Variants in STK10 observed in about 807,000 individuals in gnomAD.
STK10 encodes the protein serine/threonine kinase 10.
Under a neutral mutation model 113.8 loss-of-function variants are expected in STK10, and 78 were observed. That is an observed-to-expected ratio of 0.69 (90% CI 0.57 to 0.83). STK10 has a LOEUF of 0.83. Ranked by LOEUF, STK10 falls within the 40% of genes least tolerant of loss-of-function variation. The pLI, the probability that STK10 is intolerant of heterozygous loss-of-function variation, is 0.00. For missense variants in STK10, 1,109 were observed against 1,280.1 expected (o/e 0.87, Z 2.04); for synonymous variants, 465 against 494.7 (o/e 0.94, Z 0.80).
At chr5:172,165,296 C>CCT (rs1770548960) in intron 1 of STK10, among the ~76,000 whole-genome samples, 1 of 152,232 alleles carries the variant, frequency 6.6e-6, no homozygotes, top group Non-Finnish European at 1.5e-5. Context: ...CCCAACCCAA[C>CCT]TCTGCAGATG....
chr5:172,056,954 G>GGAAA (rs758056970), intron 15 of STK10: 2,695 of 78,904 alleles, frequency 0.034, 110 homozygotes, highest in Middle Eastern at 0.068. Context: ...AAAGAAAGAA[G>GGAAA]GAAAGAAAGA....
chr5:172,074,437 T>C (rs1473664031), intron 12 of STK10, among the ~76,000 whole-genome samples: 1 of 152,102 alleles, frequency 6.6e-6, no homozygotes, highest in Non-Finnish European at 1.5e-5. Context: ...AGCAATTCAG[T>C]GGAAAAAGGA....
intron 2 of STK10, among the ~76,000 whole-genome samples, chr5:172,136,773 A>G (rs1243034279): frequency 6.6e-6 from 1 of 152,112 alleles, no homozygotes; most frequent in East Asian, 1.9e-4. Flanking sequence ...TTTGTGATAA[A>G]GGATTGCTAA....
At chr5:172,114,466 TATA>T (rs1769324793) in intron 4 of STK10, 2 of 37,336 alleles carry the variant, frequency 5.4e-5, no homozygotes, top group African/African-American at 2.5e-4. Context: ...TATATATATA[TATA>T]TATATTTTTT....
chr5:172,152,842 GA>G (rs1163250627), intron 2 of STK10, among the ~76,000 whole-genome samples: 1 of 152,022 alleles, frequency 6.6e-6, no homozygotes, highest in African/African-American at 2.4e-5. Context: ...GACTTAGAAT[GA>G]AAAAAAGTAA....
chr5:172,156,770 C>T lies in STK10; in HGVS notation c.175G>A (p.Gly59Ser), dbSNP rs756710970. 31 of 1,613,780 alleles carry T rather than the reference C, an allele frequency of 1.9e-5. No individual in the cohort carries two copies. Among genetic ancestry groups the T allele is most frequent in the Non-Finnish European group, 2.6e-5 (31 of 1,179,810 alleles). ...KVYKAKNKETGALAAAKVIET... is the reference protein window; with the variant it reads ...KVYKAKNKETSALAAAKVIET... The stretch of plus-strand genomic sequence containing the variant: ...ATGACTTTGGCCGCAGCCAAAGCAC[C>T]CGTCTCCTTATTCTTGGCCTGCAAA... Residue 59 changes from glycine (G) to serine (S), a missense_variant, in exon 2 of 19, where the codon GGT becomes AGT. Gly to Ser is a moderately conservative substitution (Grantham distance 56). Around this residue, in one of 5 missense-constraint regions of STK10, gnomAD observed 120 missense variants for 134.8 expected, o/e 0.89. Transcript: ENST00000176763.
At chr5:172,174,124 A>G (rs1362077236) in intron 1 of STK10, among the ~76,000 whole-genome samples, 1 of 147,100 alleles carries the variant, frequency 6.8e-6, no homozygotes, top group East Asian at 1.9e-4. Context: ...CCCGGCATTC[A>G]CTCACTCATC....
chr5:172,162,117 G>T (rs768523626), intron 1 of STK10, among the ~76,000 whole-genome samples: 10 of 152,102 alleles, frequency 6.6e-5, no homozygotes, highest in Non-Finnish European at 1.3e-4. Flanking sequence ...GGGGCAGGTG[G>T]CTCACCTGAA....
At chr5:172,166,952 A>G (rs1042987697) in intron 1 of STK10, among the ~76,000 whole-genome samples, 11 of 152,022 alleles carry the variant, frequency 7.2e-5, no homozygotes, top group African/African-American at 1.9e-4. Context: ...AGAAAGTCAG[A>G]AGTTCGAGGC....
chr5:172,109,587 G>T (rs764107908), intron 4 of STK10, among the ~76,000 whole-genome samples: 2 of 152,086 alleles, frequency 1.3e-5, no homozygotes, highest in Non-Finnish European at 2.9e-5. Context: ...GATTACAGGC[G>T]TGAGGCACCA....
intron 1 of STK10, among the ~76,000 whole-genome samples, chr5:172,182,169 G>A (rs112826901): frequency 0.2 from 30,212 of 151,404 alleles, 3,555 homozygotes; most frequent in African/African-American, 0.34. Context: ...CGGGTGTGGC[G>A]GTGCGCACCT....
chr5:172,135,926 C>T (rs1384602692), intron 2 of STK10, among the ~76,000 whole-genome samples: 1 of 151,888 alleles, frequency 6.6e-6, no homozygotes, highest in East Asian at 1.9e-4. Context: ...ACTTGGGTGG[C>T]TGAGGTATGA....
At chr5:172,186,386 G>A (rs1770955066) in intron 1 of STK10, among the ~76,000 whole-genome samples, 1 of 152,202 alleles carries the variant, frequency 6.6e-6, no homozygotes, top group South Asian at 2.1e-4. Flanking sequence ...CACTTTGGGA[G>A]GCTGAAACGA....
intron 1 of STK10, among the ~76,000 whole-genome samples, chr5:172,166,883 C>T (rs894177127): frequency 1.3e-5 from 2 of 152,096 alleles, no homozygotes; most frequent in African/African-American, 4.8e-5. Context: ...GACAACAGGC[C>T]AGGCACGGTG....
intron 13 of STK10, chr5:172,064,428 CAAAT>C: frequency 2.2e-6 from 1 of 462,584 alleles, no homozygotes; most frequent in Non-Finnish European, 3.9e-6. Flanking sequence ...ATGTGACTTA[CAAAT>C]AAATAACCCT....
At chr5:172,051,645 G>C (rs1188333733) in intron 18 of STK10, among the ~76,000 whole-genome samples, 1 of 151,858 alleles carries the variant, frequency 6.6e-6, no homozygotes, top group East Asian at 1.9e-4. Flanking sequence ...ATAAAATAAA[G>C]AAATCAACAG....
chr5:172,077,420 G>A (rs911259796), intron 12 of STK10, among the ~76,000 whole-genome samples: 11 of 152,186 alleles, frequency 7.2e-5, no homozygotes, highest in African/African-American at 2.7e-4. Flanking sequence ...AGTGATCTAA[G>A]AAGTTACAAC....
intron 12 of STK10, among the ~76,000 whole-genome samples, chr5:172,067,804 G>T (rs1173242556): frequency 1.3e-5 from 2 of 151,988 alleles, no homozygotes; most frequent in Non-Finnish European, 2.9e-5. Context: ...TGAAAAAGAG[G>T]AAGGTTTCAG....
chr5:172,090,087 G>A (rs533310943), intron 10 of STK10, 145 bp downstream of exon 10: 11 of 1,171,556 alleles, frequency 9.4e-6, no homozygotes, highest in East Asian at 2.5e-5. Flanking sequence ...GTGCAGGATC[G>A]CAGGCAAAAT....
Sources: allele counts gnomAD v4.1 joint callset (sites outside exome capture counted in the v4.1 genomes callset), GRCh38; gene constraint gnomAD v4.1.1; regional missense constraint gnomAD v4.1.1; transcripts MANE v1.5; gene names NCBI Gene and HGNC (gene_info 2026-07-23, HGNC 2026-07-21).